Variants in ROCK1 observed in about 807,000 individuals in gnomAD.
ROCK1 encodes the protein rho-associated protein kinase 1.
Under a neutral mutation model 196.8 loss-of-function variants are expected in ROCK1, and 36 were observed. That is an observed-to-expected ratio of 0.18 (90% CI 0.14 to 0.24). The LOEUF is 0.24. ROCK1 is among the 10% of genes least tolerant of loss of function. ROCK1 has a pLI of 1.00. For synonymous variants in ROCK1, 443 were observed against 515.9 expected (o/e 0.86, Z 1.91); for missense variants, 920 against 1,562.0 (o/e 0.59, Z 6.93).
At chr18:21,027,653 A>C (rs2035970509) in intron 10 of ROCK1, among the ~76,000 whole-genome samples, 2 of 151,922 alleles carry the variant, frequency 1.3e-5, no homozygotes, top group African/African-American at 4.8e-5. Context: ...TTTTGAGGAA[A>C]TGGAGGCATA....
At position 20,966,821 on chromosome 18, in the gene ROCK1, G is replaced by A. The variant is rs938187504; in HGVS notation, c.3352+96C>T. On this transcript the variant is annotated intron_variant, in intron 27 of 32. Coordinates refer to ENST00000399799, the MANE Select transcript of ROCK1 (RefSeq NM_005406.3). ...AAGAATTCCTTCTTAGGAATCCATGGACAAAATGACAAGGAGGTAGAAAAC... is the reference window on the plus strand; with the variant it reads ...AAGAATTCCTTCTTAGGAATCCATGAACAAAATGACAAGGAGGTAGAAAAC... 5 of 950,876 alleles carry A rather than the reference G, an allele frequency of 5.3e-6. No individual in the cohort carries two copies. In the African/African-American group the frequency reaches 6.6e-5, roughly 13 times the overall value. The allele number at this position is 950,876 out of a possible 1,614,324, so 58.9% of individuals were successfully genotyped here.
chr18:21,039,357 T>C (rs1598539044), intron 9 of ROCK1, 115 bp downstream of exon 9: 1 of 712,790 alleles, frequency 1.4e-6, no homozygotes. Context: ...CATATAGTAT[T>C]TGTGGCTTCT....
chr18:21,101,937 C>A, intron 1 of ROCK1, among the ~76,000 whole-genome samples: 1 of 150,960 alleles, frequency 6.6e-6, no homozygotes, highest in East Asian at 1.9e-4. Context: ...ATGGAATTTA[C>A]TTTAAAATAT....
rs1053534736 is a variant in ROCK1, at chr18:21,020,255, A to G, written c.1273-16T>C. 3 of 1,400,228 alleles carry G rather than the reference A, an allele frequency of 2.1e-6. No individual in the cohort carries two copies. Among genetic ancestry groups the G allele is most frequent in the East Asian group, 2.4e-5 (1 of 42,010 alleles). The allele number at this position is 1,400,228 out of a possible 1,614,324, so 86.7% of individuals were successfully genotyped here. A position where few individuals can be genotyped will look rare whatever the true frequency, so the allele number is the denominator to read the frequency against. ...AACTTTCCTGCTTTAATTTAAAACA[A>G]AAACAAAAACTCATTCTACTAAGAA... On this transcript the variant is annotated splice_polypyrimidine_tract_variant and intron_variant, in intron 11 of 32. Transcript: ENST00000399799.
chr18:21,087,130 CTAATT>C (rs1402910211), intron 1 of ROCK1, among the ~76,000 whole-genome samples: 1 of 151,948 alleles, frequency 6.6e-6, no homozygotes, highest in Non-Finnish European at 1.5e-5. Context: ...TTTTCTATGC[CTAATT>C]TAATACCTAG....
At chr18:21,104,504 G>T (rs2036686642) in intron 1 of ROCK1, among the ~76,000 whole-genome samples, 1 of 152,210 alleles carries the variant, frequency 6.6e-6, no homozygotes, top group Admixed American at 6.5e-5. Flanking sequence ...GGCTGAGGCA[G>T]GAGAATGGCG....
intron 1 of ROCK1, among the ~76,000 whole-genome samples, chr18:21,079,583 T>A (rs1307546515): frequency 6.6e-6 from 1 of 152,100 alleles, no homozygotes; most frequent in Non-Finnish European, 1.5e-5. Flanking sequence ...GAGTAGGACA[T>A]ACTGGAGATG....
chr18:20,953,690 G>C lies in ROCK1; in HGVS notation c.3949C>G (p.Pro1317Ala). The C allele has an allele frequency of 6.2e-7, 1 of 1,604,316 alleles. No homozygotes were observed. The highest frequency in any genetic ancestry group is 8.5e-7 in the Non-Finnish European group (1 of 1,177,632). Reference protein sequence around the residue: ...KWVTHLVKKIPKNPPSGFVRA... With the variant: ...KWVTHLVKKIAKNPPSGFVRA... ...ACAAAACCAGATGGTGGATTCTTAG[G>C]GATTTTCTTTACTAAATGAGTTACC... Residue 1317 changes from proline (P) to alanine (A), a missense_variant, in exon 32 of 33, where the codon CCT becomes GCT. Pro to Ala is a conservative substitution (Grantham distance 27). Around this residue, in one of 6 missense-constraint regions of ROCK1, gnomAD observed 49 missense variants for 180.4 expected, o/e 0.27. Coordinates refer to ENST00000399799, the MANE Select transcript of ROCK1 (RefSeq NM_005406.3).
chr18:21,110,166 C>T (rs1345266600), intron 1 of ROCK1, among the ~76,000 whole-genome samples: 1 of 152,134 alleles, frequency 6.6e-6, no homozygotes, highest in South Asian at 2.1e-4. Context: ...AAGTGCCACA[C>T]CACCAAAAAG....
chr18:21,033,944 G>A (rs2036034098), intron 9 of ROCK1, among the ~76,000 whole-genome samples: 1 of 139,172 alleles, frequency 7.2e-6, no homozygotes, highest in Admixed American at 7.8e-5. Flanking sequence ...TGAGGCAGGA[G>A]AATGGCATGA....
At chr18:21,058,404 T>C (rs2143531448) in intron 2 of ROCK1, among the ~76,000 whole-genome samples, 1 of 152,292 alleles carries the variant, frequency 6.6e-6, no homozygotes. Context: ...TTTTTTTAAA[T>C]GTCACAATAG....
chr18:21,098,689 T>C (rs999989890), intron 1 of ROCK1, among the ~76,000 whole-genome samples: 8 of 146,500 alleles, frequency 5.5e-5, no homozygotes, highest in East Asian at 2.0e-4. Context: ...AGCTCCCTAA[T>C]ACATAAAGAG....
At chr18:21,048,549 AT>A (rs1389231997) in intron 4 of ROCK1, among the ~76,000 whole-genome samples, 9 of 151,880 alleles carry the variant, frequency 5.9e-5, no homozygotes, top group African/African-American at 1.9e-4. Flanking sequence ...TAAATTTTAT[AT>A]TTATTATTTT....
intron 9 of ROCK1, among the ~76,000 whole-genome samples, chr18:21,039,167 T>A (rs977606205): frequency 6.6e-6 from 1 of 152,136 alleles, no homozygotes; most frequent in Non-Finnish European, 1.5e-5. Flanking sequence ...ATTGACCACC[T>A]CCATAATAAG....
intron 8 of ROCK1, among the ~76,000 whole-genome samples, chr18:21,041,416 C>T (rs1380498347): frequency 2.0e-5 from 3 of 151,162 alleles, no homozygotes; most frequent in Non-Finnish European, 4.4e-5. Context: ...TAACAATATA[C>T]AATCATAAAC....
chr18:20,997,845 T>G (rs567218376), intron 16 of ROCK1, among the ~76,000 whole-genome samples: 1 of 152,068 alleles, frequency 6.6e-6, no homozygotes, highest in Non-Finnish European at 1.5e-5. Context: ...GATTTTTTTT[T>G]TTTTTTTGAG....
intron 4 of ROCK1, among the ~76,000 whole-genome samples, chr18:21,045,978 T>C (rs890556920): frequency 6.9e-6 from 1 of 144,366 alleles, no homozygotes; most frequent in Non-Finnish European, 1.5e-5. Flanking sequence ...TGGCGTGATG[T>C]CGGCTCACTG....
rs367843842 is a variant in ROCK1, at chr18:21,049,892, G to A, written c.176-12C>T. On this transcript the variant is annotated splice_polypyrimidine_tract_variant and intron_variant, in intron 2 of 32. Coordinates refer to ENST00000399799, the MANE Select transcript of ROCK1 (RefSeq NM_005406.3). ...TATTGTGTCTTTATCTGTATGAAAA[G>A]AAAAGTTTATCATTTTAAATCACTA... 1 of 1,473,090 alleles carries A rather than the reference G, an allele frequency of 6.8e-7. No individual in the cohort carries two copies. Among genetic ancestry groups the A allele is most frequent in the Admixed American group, 2.0e-5 (1 of 50,974 alleles). The allele number at this position is 1,473,090 out of a possible 1,614,324, so 91.3% of individuals were successfully genotyped here.
intron 2 of ROCK1, among the ~76,000 whole-genome samples, chr18:21,050,915 A>G (rs1179639973): frequency 1.3e-5 from 2 of 152,226 alleles, no homozygotes; most frequent in African/African-American, 4.8e-5. Context: ...ATAAATAAAC[A>G]TAACTTTAAA....
Sources: gnomAD v4.1 joint callset for allele counts (sites outside exome capture counted in the v4.1 genomes callset) on GRCh38, gnomAD v4.1.1 for gene constraint, gnomAD v4.1.1 regional missense constraint, MANE v1.5 for transcripts, NCBI Gene and HGNC (gene_info 2026-07-23, HGNC 2026-07-21) for gene names.